ZCCHC24: variants seen among roughly 807,000 people sequenced by gnomAD.
The protein encoded by ZCCHC24 is zinc finger CCHC domain-containing protein 24.
Under a neutral mutation model 26.2 loss-of-function variants are expected in ZCCHC24, and 10 were observed. That is an observed-to-expected ratio of 0.38 (90% CI 0.24 to 0.65). The LOEUF is 0.65. ZCCHC24 is among the 30% of genes least tolerant of loss of function. The pLI is 0.54. For synonymous variants in ZCCHC24, 144 were observed against 147.1 expected, an observed-to-expected ratio of 0.98 and a Z score of 0.15; for missense variants, 243 against 329.1, an observed-to-expected ratio of 0.74 and a Z score of 2.03.
At position 79,396,526 on chromosome 10, in the gene ZCCHC24, C is replaced by G. The variant is rs1302132409; in HGVS notation, c.448-2086G>C. On this transcript the variant is annotated intron_variant, in intron 2 of 3. Coordinates refer to ENST00000372336, the MANE Select transcript of ZCCHC24 (RefSeq NM_153367.4). ...AGCTGAATTTACGTTCTCTACTAGG[C>G]CCTCGCAGGCTTTGAGTTGGAGAGG... Among the ~76,000 whole-genome samples, 3 of 152,196 alleles carry G rather than the reference C, an allele frequency of 2.0e-5. No homozygotes were observed. The East Asian group carries it at 5.8e-4, about 29-fold the overall frequency.
At chr10:79,422,728 C>T (rs1450353241) in intron 2 of ZCCHC24, among the ~76,000 whole-genome samples, 1 of 152,188 alleles carries the variant, frequency 6.6e-6, no homozygotes, top group Non-Finnish European at 1.5e-5. Flanking sequence ...AATGGCAGTT[C>T]CCCTGGGCTC....
chr10:79,437,047 C>CA (rs1857225785), intron 1 of ZCCHC24, among the ~76,000 whole-genome samples: 1 of 151,498 alleles, frequency 6.6e-6, no homozygotes, highest in South Asian at 2.1e-4. Context: ...TTATAGTTTA[C>CA]TTTTTTTTTG....
At chr10:79,401,471 T>C (rs10824751) in intron 2 of ZCCHC24, among the ~76,000 whole-genome samples, 127,428 of 152,244 alleles carry the variant, frequency 0.84, 53,421 homozygotes, top group East Asian at 0.92. Flanking sequence ...GGAAATGGGG[T>C]AGTCCAGATC....
At chr10:79,408,855 C>G (rs1181361980) in intron 2 of ZCCHC24, among the ~76,000 whole-genome samples, 7 of 152,210 alleles carry the variant, frequency 4.6e-5, no homozygotes, top group African/African-American at 1.7e-4. Flanking sequence ...GCTCTGTGAC[C>G]TGGGATAAGC....
At chr10:79,410,942 G>C (rs911068329) in intron 2 of ZCCHC24, among the ~76,000 whole-genome samples, 3 of 152,164 alleles carry the variant, frequency 2.0e-5, no homozygotes, top group African/African-American at 7.2e-5. Flanking sequence ...AATCAGCTGC[G>C]GGGCTGTGGG....
intron 2 of ZCCHC24, among the ~76,000 whole-genome samples, chr10:79,418,540 T>C (rs1420788917): frequency 6.6e-6 from 1 of 152,148 alleles, no homozygotes; most frequent in Non-Finnish European, 1.5e-5. Flanking sequence ...TAGAAGGGCA[T>C]AGGGGCTGCA....
intron 2 of ZCCHC24, among the ~76,000 whole-genome samples, chr10:79,414,808 CAAAACCAAAA>C (rs143202473): frequency 9.9e-5 from 15 of 152,158 alleles, no homozygotes; most frequent in African/African-American, 3.6e-4. Context: ...AAAACCAAAC[CAAAACCAAAA>C]AAAACCCAGG....
At chr10:79,431,691 T>A (rs1345472308) in intron 2 of ZCCHC24, among the ~76,000 whole-genome samples, 1 of 152,134 alleles carries the variant, frequency 6.6e-6, no homozygotes, top group Non-Finnish European at 1.5e-5. Context: ...GTTTCCAACA[T>A]CTGGAGGGGA....
intron 3 of ZCCHC24, among the ~76,000 whole-genome samples, chr10:79,386,770 G>T (rs935423159): frequency 6.6e-6 from 1 of 152,176 alleles, no homozygotes; most frequent in Non-Finnish European, 1.5e-5. Context: ...CCTAGGCTGG[G>T]CCAGGGCTGT....
At chr10:79,403,507 C>A in intron 2 of ZCCHC24, 1 of 985,464 alleles carries the variant, frequency 1.0e-6, no homozygotes, top group Non-Finnish European at 1.2e-6. Context: ...TCCACGGAGG[C>A]CCCGGAGGAA....
intron 2 of ZCCHC24, among the ~76,000 whole-genome samples, chr10:79,416,826 A>C (rs1389347650): frequency 6.6e-6 from 1 of 152,200 alleles, no homozygotes; most frequent in Non-Finnish European, 1.5e-5. Context: ...AAGAGTGTCC[A>C]GCACAAGGGC....
Position 79,418,222 on chromosome 10 carries a change from C to T in ZCCHC24, c.447+14336G>A, listed in dbSNP as rs186223457. ...TGGTATAACTTCACAGTTCTCAAAG[C>T]GCGTTCACCTGTCTGATCGCCTCTG... On this transcript the variant is annotated intron_variant, in intron 2 of 3. Coordinates refer to ENST00000372336, the MANE Select transcript of ZCCHC24 (RefSeq NM_153367.4). Among the ~76,000 whole-genome samples the T allele has an allele frequency of 3.5e-3, 539 of 152,320 alleles. 2 individuals carry two copies. The highest frequency in any genetic ancestry group is 0.011 in the African/African-American group (466 of 41,564).
At chr10:79,395,398 T>C (rs1455207305) in intron 2 of ZCCHC24, among the ~76,000 whole-genome samples, 2 of 152,266 alleles carry the variant, frequency 1.3e-5, no homozygotes, top group African/African-American at 2.4e-5. Context: ...AATGCTATAA[T>C]GAATAACTTC....
chr10:79,397,842 T>C (rs1379329193), intron 2 of ZCCHC24, among the ~76,000 whole-genome samples: 2 of 151,778 alleles, frequency 1.3e-5, no homozygotes, highest in Non-Finnish European at 2.9e-5. Flanking sequence ...CTGGGCAGAG[T>C]GAAGCGTGGG....
At chr10:79,395,360 T>C (rs1342902102) in intron 2 of ZCCHC24, among the ~76,000 whole-genome samples, 3 of 152,272 alleles carry the variant, frequency 2.0e-5, no homozygotes, top group African/African-American at 7.2e-5. Context: ...AACATCTAGC[T>C]TGTTTCTGTT....
intron 1 of ZCCHC24, among the ~76,000 whole-genome samples, chr10:79,444,522 C>A (rs1312020745): frequency 6.6e-6 from 1 of 151,684 alleles, no homozygotes. Context: ...ATTTCCCTTT[C>A]ATTTCCTTCG....
chr10:79,405,095 G>A (rs578244313), intron 2 of ZCCHC24, among the ~76,000 whole-genome samples: 15 of 152,286 alleles, frequency 9.8e-5, no homozygotes, highest in Admixed American at 5.2e-4. Flanking sequence ...CCTGGAGAAG[G>A]CCCTCTCCCT....
chr10:79,400,663 C>T (rs1025783472), intron 2 of ZCCHC24, among the ~76,000 whole-genome samples: 4 of 152,158 alleles, frequency 2.6e-5, no homozygotes, highest in Non-Finnish European at 4.4e-5. Flanking sequence ...CCCTAGGGGG[C>T]GCACTGTGCT....
intron 2 of ZCCHC24, among the ~76,000 whole-genome samples, chr10:79,406,406 G>A (rs1205559385): frequency 6.6e-6 from 1 of 152,082 alleles, no homozygotes; most frequent in Admixed American, 6.5e-5. Flanking sequence ...TTTACAGGGG[G>A]GTCGCAGGGA....
Sources: gnomAD v4.1 joint callset for allele counts (sites outside exome capture counted in the v4.1 genomes callset) on GRCh38, gnomAD v4.1.1 for gene constraint, MANE v1.5 for transcripts, NCBI Gene and HGNC (gene_info 2026-07-23, HGNC 2026-07-21) for gene names.